The following DNM3 variants were observed in gnomAD, a reference collection of about 807,000 sequenced individuals.
DNM3 encodes dynamin-3.
Under a neutral mutation model 101.6 loss-of-function variants are expected in DNM3, and 47 were observed. The ratio of observed to expected loss-of-function variants is 0.46; its 90% confidence interval spans 0.37 to 0.59. The LOEUF is 0.59. Ranked by LOEUF, DNM3 falls within the 20% of genes least tolerant of loss-of-function variation. The probability of loss-of-function intolerance (pLI) is 0.00; values close to 1 mark genes in which losing one functional copy is unlikely to be tolerated. For synonymous variants in DNM3, 385 were observed against 387.9 expected, an observed-to-expected ratio of 0.99 and a Z score of 0.09; for missense variants, 849 against 1,085.7, an observed-to-expected ratio of 0.78 and a Z score of 3.06.
At chr1:172,301,428 G>C (rs1413183604) in intron 15 of DNM3, among the ~76,000 whole-genome samples, 1 of 152,168 alleles carries the variant, frequency 6.6e-6, no homozygotes, top group Non-Finnish European at 1.5e-5. Context: ...CTTGAGCCCA[G>C]GAGTTTGAGG....
At chr1:172,371,834 T>G (rs557203336) in intron 17 of DNM3, among the ~76,000 whole-genome samples, 2 of 148,526 alleles carry the variant, frequency 1.3e-5, no homozygotes, top group South Asian at 4.1e-4. Flanking sequence ...GCAGATATTT[T>G]TATTTTTATT....
intron 13 of DNM3, chr1:172,093,843 G>C (rs1327134172): frequency 1.0e-6 from 1 of 956,538 alleles, no homozygotes; most frequent in African/African-American, 1.7e-5. Flanking sequence ...TTTAAACTTA[G>C]GTTGTCTTGT....
chr1:172,115,089 C>T (rs2055793494), intron 13 of DNM3, among the ~76,000 whole-genome samples: 1 of 152,166 alleles, frequency 6.6e-6, no homozygotes, highest in Admixed American at 6.5e-5. Flanking sequence ...CCATATGAAA[C>T]ATACAGTCTT....
intron 13 of DNM3, chr1:172,093,730 G>A (rs774956778): frequency 2.5e-6 from 4 of 1,607,208 alleles, no homozygotes; most frequent in East Asian, 2.2e-5. Context: ...CAAATTGTAC[G>A]AGCTAAGTTC....
intron 20 of DNM3, among the ~76,000 whole-genome samples, chr1:172,404,536 G>T (rs1426947623): frequency 6.6e-6 from 1 of 152,042 alleles, no homozygotes; most frequent in Non-Finnish European, 1.5e-5. Context: ...AAGGATTAAA[G>T]CAGATATTAA....
chr1:172,261,304 G>C (rs754783283), intron 15 of DNM3, among the ~76,000 whole-genome samples: 21 of 152,166 alleles, frequency 1.4e-4, no homozygotes, highest in Non-Finnish European at 2.6e-4. Context: ...TGTATCTATG[G>C]TATTGGTTGG....
At chr1:171,992,901 T>C (rs980679948) in intron 4 of DNM3, among the ~76,000 whole-genome samples, 11 of 152,118 alleles carry the variant, frequency 7.2e-5, no homozygotes, top group Non-Finnish European at 1.3e-4. Context: ...GTGGTTGCCA[T>C]AGGATTACAA....
At chr1:172,345,681 T>C (rs1225279673) in intron 17 of DNM3, among the ~76,000 whole-genome samples, 1 of 152,164 alleles carries the variant, frequency 6.6e-6, no homozygotes, top group East Asian at 1.9e-4. Flanking sequence ...TATAGACATT[T>C]AGTTAGCACC....
At chr1:172,373,000 A>G (rs1477725423) in intron 17 of DNM3, among the ~76,000 whole-genome samples, 1 of 151,990 alleles carries the variant, frequency 6.6e-6, no homozygotes, top group African/African-American at 2.4e-5. Context: ...ATTTTTAAGA[A>G]AAGCCATTTT....
intron 15 of DNM3, among the ~76,000 whole-genome samples, chr1:172,265,487 T>A (rs12082431): frequency 6.6e-6 from 1 of 151,996 alleles, no homozygotes; most frequent in Non-Finnish European, 1.5e-5. Flanking sequence ...CTGGCTCTTT[T>A]AAAGATGGCA....
rs559993017 is a variant in DNM3 at position 172,175,191 on chromosome 1, A to G, written c.1659+43903A>G. On this transcript the variant is annotated intron_variant, in intron 14 of 20. Transcript: ENST00000627582. The stretch of plus-strand genomic sequence containing the variant: ...GAGATGAGTATGACTGGATCAGCAG[A>G]AATGTATTCCTACTTTTGGAAAAAT... Among the ~76,000 whole-genome samples, 3 of 151,870 alleles carry G rather than the reference A, an allele frequency of 2.0e-5. No homozygotes were observed. In the East Asian group the frequency reaches 5.8e-4, roughly 30 times the overall value.
chr1:172,384,739 A>G (rs753550819), intron 18 of DNM3, among the ~76,000 whole-genome samples: 2 of 152,212 alleles, frequency 1.3e-5, no homozygotes, highest in Non-Finnish European at 2.9e-5. Context: ...CTTCTTTTAA[A>G]TTGTATTTAA....
chr1:171,919,704 A>G (rs1469567764), intron 1 of DNM3, among the ~76,000 whole-genome samples: 1 of 152,264 alleles, frequency 6.6e-6, no homozygotes, highest in Non-Finnish European at 1.5e-5. Flanking sequence ...ATTCTAATAT[A>G]GCGCATGAAG....
At chr1:171,979,415 A>G (rs2044619863) in intron 2 of DNM3, among the ~76,000 whole-genome samples, 1 of 152,232 alleles carries the variant, frequency 6.6e-6, no homozygotes, top group Non-Finnish European at 1.5e-5. Context: ...ATGGTTCACA[A>G]TAGCTAAGAT....
intron 15 of DNM3, among the ~76,000 whole-genome samples, chr1:172,302,650 C>A (rs2064523929): frequency 6.6e-6 from 1 of 152,112 alleles, no homozygotes; most frequent in African/African-American, 2.4e-5. Flanking sequence ...CAGGCAGGTG[C>A]CCCTCTGGGA....
intron 4 of DNM3, among the ~76,000 whole-genome samples, chr1:172,026,722 T>C (rs1205500187): frequency 3.9e-5 from 6 of 151,978 alleles, no homozygotes; most frequent in Admixed American, 3.3e-4. Context: ...TGGTGCAATG[T>C]TGGCTCACTG....
intron 2 of DNM3, among the ~76,000 whole-genome samples, chr1:171,952,096 G>T (rs1374183651): frequency 6.6e-6 from 1 of 152,144 alleles, no homozygotes; most frequent in East Asian, 1.9e-4. Context: ...TGGAGACCAA[G>T]GTTCTTGTTA....
Position 172,245,335 on chromosome 1 carries a change from G to A in DNM3, c.1660-8238G>A, listed in dbSNP as rs143425035. ...AGGCAGAGCATAGACACACTTAGGTGAAACATATAGACTCTTAGAAAGTAA... is the reference window on the plus strand; with the variant it reads ...AGGCAGAGCATAGACACACTTAGGTAAAACATATAGACTCTTAGAAAGTAA... On this transcript the variant is annotated intron_variant, in intron 14 of 20. Transcript: ENST00000627582. Among the ~76,000 whole-genome samples, 281 of 152,304 alleles carry A rather than the reference G, an allele frequency of 1.8e-3. 1 individual carries two copies. Among genetic ancestry groups the A allele is most frequent in the African/African-American group, 6.2e-3 (258 of 41,566 alleles).
intron 16 of DNM3, among the ~76,000 whole-genome samples, chr1:172,318,979 T>C (rs1384580746): frequency 2.6e-5 from 4 of 151,846 alleles, no homozygotes; most frequent in African/African-American, 9.7e-5. Flanking sequence ...GCTACCTGAC[T>C]TCAAACTATA....
Sources: gnomAD v4.1 joint callset for allele counts (sites outside exome capture counted in the v4.1 genomes callset) on GRCh38, gnomAD v4.1.1 for gene constraint, MANE v1.5 for transcripts, NCBI Gene and HGNC (gene_info 2026-07-23, HGNC 2026-07-21) for gene names.